The following TSC1 variants were observed in gnomAD, a reference collection of about 807,000 sequenced individuals.
The protein encoded by TSC1 is TSC complex subunit 1.
Under a neutral mutation model 124.3 loss-of-function variants are expected in TSC1, and 20 were observed. The ratio of observed to expected loss-of-function variants is 0.16; its 90% CI spans 0.11 to 0.23. The LOEUF (loss-of-function observed/expected upper bound fraction) is 0.23. TSC1 is among the 10% of genes least tolerant of loss of function. The pLI, the probability that TSC1 is intolerant of heterozygous loss-of-function variation, is 1.00. For synonymous variants in TSC1, 493 were observed against 539.1 expected, an observed-to-expected ratio of 0.91 and a Z score of 1.19; for missense variants, 1,124 against 1,448.5, an observed-to-expected ratio of 0.78 and a Z score of 3.64.
chr9:132,927,364 T>A (rs754994467), intron 3 of TSC1, 60 bp from the exon 4 acceptor site: 74 of 1,501,868 alleles, frequency 4.9e-5, no homozygotes, highest in Non-Finnish European at 6.7e-5. Flanking sequence ...AAATTTACCT[T>A]ACACAGCTTC....
intron 5 of TSC1, chr9:132,925,082 T>C (rs1193194312): frequency 1.8e-5 from 3 of 164,900 alleles, no homozygotes; most frequent in Non-Finnish European, 4.0e-5. Flanking sequence ...AAGTTCTATT[T>C]AGATTTTGAC....
In TSC1 at chr9:132,911,437, C is replaced by T. The variant is rs2131972134; in HGVS notation, c.1029+16G>A. The T allele has an allele frequency of 1.9e-6, 3 of 1,578,342 alleles. No individual in the cohort carries two copies. Among genetic ancestry groups the T allele is most frequent in the Non-Finnish European group, 2.6e-6 (3 of 1,147,670 alleles). The stretch of plus-strand genomic sequence containing the variant: ...GAAAGCAGAGGAGAGAGCAGGCACA[C>T]TAGTTGACACCATACTTGTGGTGGT... On this transcript the variant is annotated intron_variant, in intron 10 of 22. Coordinates refer to ENST00000298552, the MANE Select transcript of TSC1 (RefSeq NM_000368.5).
At chr9:132,908,426 T>C (rs905825050) in intron 12 of TSC1, among the ~76,000 whole-genome samples, 1 of 152,140 alleles carries the variant, frequency 6.6e-6, no homozygotes, top group African/African-American at 2.4e-5. Flanking sequence ...GCCCCACAGA[T>C]ATGTAATTGC....
rs1389639720 is a variant in TSC1, at chr9:132,894,849, C to A, written c.*1386G>T. The A allele has an allele frequency of 4.3e-6, 1 of 232,320 alleles. No individual in the cohort carries two copies. Among genetic ancestry groups the A allele is most frequent in the Non-Finnish European group, 8.5e-6 (1 of 117,546 alleles). The allele number at this position is 232,320 out of a possible 1,614,324, so 14.4% of individuals were successfully genotyped here. On this transcript the variant is annotated 3_prime_UTR_variant, in exon 23 of 23. Coordinates refer to ENST00000298552, the MANE Select transcript of TSC1 (RefSeq NM_000368.5). ...GAAACAGGAAAGCCAAGTTCACTGGCTCCTTCCTACCAAATCCCCCTGCCT... is the reference window on the plus strand; with the variant it reads ...GAAACAGGAAAGCCAAGTTCACTGGATCCTTCCTACCAAATCCCCCTGCCT...
At chr9:132,897,743 T>A in intron 20 of TSC1, 133 bp from the exon 21 acceptor site, 1 of 1,216,922 alleles carries the variant, frequency 8.2e-7, no homozygotes, top group Non-Finnish European at 1.1e-6. Flanking sequence ...TATAAACTAG[T>A]ACAACTTTAT....
intron 8 of TSC1, among the ~76,000 whole-genome samples, chr9:132,918,161 C>A (rs1438715689): frequency 6.6e-6 from 1 of 152,162 alleles, no homozygotes; most frequent in African/African-American, 2.4e-5. Flanking sequence ...TAAATATAAA[C>A]CCACAAGGAG....
intron 2 of TSC1, among the ~76,000 whole-genome samples, chr9:132,930,636 A>G (rs958511390): frequency 2.6e-5 from 4 of 151,582 alleles, no homozygotes; most frequent in Non-Finnish European, 5.9e-5. Context: ...TCCTTCTGCA[A>G]GAATGCCAAA....
chr9:132,912,539 C>T (rs566081319), intron 8 of TSC1, 82 bp from the exon 9 acceptor site: 1 of 1,535,496 alleles, frequency 6.5e-7, no homozygotes, highest in African/African-American at 1.4e-5. Context: ...CAGTGCCAGC[C>T]ACGGAACTCT....
intron 2 of TSC1, among the ~76,000 whole-genome samples, chr9:132,932,608 T>C (rs145505867): frequency 8.5e-5 from 13 of 152,330 alleles, no homozygotes; most frequent in African/African-American, 3.1e-4. Flanking sequence ...CTTATGAAAC[T>C]CATGAGTAGC....
chr9:132,897,356 C>G lies in TSC1; in HGVS notation c.2814-11G>C, dbSNP rs1287695326. The stretch of plus-strand genomic sequence containing the variant: ...GCCTGCAGCTGTCCTCTGAAAGATA[C>G]AGACCAGCCAGAATATAGGAAGTTC... On this transcript the variant is annotated splice_polypyrimidine_tract_variant and intron_variant, in intron 21 of 22. Transcript: ENST00000298552. 1 of 1,614,190 alleles carries G rather than the reference C, an allele frequency of 6.2e-7. No individual in the cohort carries two copies. The highest frequency in any genetic ancestry group is 8.5e-7 in the Non-Finnish European group (1 of 1,180,048).
At chr9:132,904,117 T>C (rs1434108919) in intron 16 of TSC1, among the ~76,000 whole-genome samples, 1 of 152,172 alleles carries the variant, frequency 6.6e-6, no homozygotes, top group East Asian at 1.9e-4. Flanking sequence ...GACACTTCCT[T>C]CGCTGTGTGT....
At chr9:132,936,177 C>T (rs1390772310) in intron 1 of TSC1, among the ~76,000 whole-genome samples, 1 of 152,118 alleles carries the variant, frequency 6.6e-6, no homozygotes, top group Non-Finnish European at 1.5e-5. Flanking sequence ...TACAGTGGAG[C>T]CATCATAGCT....
chr9:132,922,081 T>A, intron 6 of TSC1, 108 bp from the exon 7 acceptor site: 1 of 1,308,096 alleles, frequency 7.6e-7, no homozygotes, highest in Non-Finnish European at 1.1e-6. Flanking sequence ...CTATGTATAT[T>A]CCCACCTCAC....
chr9:132,916,676 A>T (rs1360263812), intron 8 of TSC1, among the ~76,000 whole-genome samples: 3 of 152,156 alleles, frequency 2.0e-5, no homozygotes, highest in Admixed American at 2.0e-4. Flanking sequence ...TTTTTCCTAA[A>T]TGTATTCTAA....
rs142325036 is a variant in TSC1 at position 132,925,680 on chromosome 9, G to C, written c.270C>G (p.Leu90=). 1.9e-6 allele frequency: 3 copies of C among 1,614,226 alleles called. No homozygotes were observed. The highest frequency in any genetic ancestry group is 2.5e-6 in the Non-Finnish European group (3 of 1,180,046). Residue 90 remains leucine, a synonymous_variant, in exon 5 of 23, where the codon CTC becomes CTG. Transcript: ENST00000298552. ...GTCTTATGACATGACCCAGTAACGA[G>C]AGGATGGATAAACGAGTGGCGGCTT... The part of the protein sequence containing the change: ...VGKAATRLSI[L]SLLGHVIRLQ...
At position 132,906,616 on chromosome 9, in the gene TSC1, G is replaced by A; in HGVS notation, c.1438+115C>T. 4 of 858,800 alleles carry A rather than the reference G, an allele frequency of 4.7e-6. No individual in the cohort carries two copies. Among genetic ancestry groups the A allele is most frequent in the Admixed American group, 4.1e-5 (2 of 49,266 alleles). 53.2% of individuals were successfully genotyped at this position (858,800 alleles called of 1,614,324 possible). A position where few individuals can be genotyped will look rare whatever the true frequency, so the allele number is the denominator to read the frequency against. On this transcript the variant is annotated intron_variant, in intron 14 of 22. Coordinates refer to ENST00000298552, the MANE Select transcript of TSC1 (RefSeq NM_000368.5). The surrounding 1 kb of genome is among the most constrained non-coding windows in gnomAD (Gnocchi z 4.1). ...GGTCCCAGACTAAACCACCCATCTTGTTACCTCAAGAGAAGAAAAATCCAG... is the reference window on the plus strand; with the variant it reads ...GGTCCCAGACTAAACCACCCATCTTATTACCTCAAGAGAAGAAAAATCCAG...
At chr9:132,925,401 C>T (rs1846796029) in intron 5 of TSC1, among the ~76,000 whole-genome samples, 186 bp downstream of exon 5, 1 of 152,188 alleles carries the variant, frequency 6.6e-6, no homozygotes, top group Non-Finnish European at 1.5e-5. Flanking sequence ...ATTCAATAGT[C>T]ATAGTGATGT....
chr9:132,900,564 G>A, intron 20 of TSC1, 151 bp downstream of exon 20: 2 of 1,287,936 alleles, frequency 1.6e-6, no homozygotes, highest in African/African-American at 1.5e-5. Context: ...GCTGGAAAGT[G>A]CTTGTATAGC....
chr9:132,912,585 G>T, intron 8 of TSC1, 128 bp from the exon 9 acceptor site: 1 of 1,011,558 alleles, frequency 9.9e-7, no homozygotes, highest in Non-Finnish European at 1.5e-6. Context: ...GCCAGCCCAA[G>T]TCTGAAACAA....
Sources: gnomAD v4.1 joint callset for allele counts (sites outside exome capture counted in the v4.1 genomes callset) on GRCh38, gnomAD v4.1.1 for gene constraint, Gnocchi (gnomAD v3.1) non-coding constraint, MANE v1.5 for transcripts, NCBI Gene and HGNC (gene_info 2026-07-23, HGNC 2026-07-21) for gene names.